RHBDD1: variants seen among roughly 807,000 people sequenced by gnomAD.
RHBDD1 encodes rhomboid domain containing 1.
In RHBDD1, 38 loss-of-function variants were observed where a neutral mutation model predicts 36.3. The ratio of observed to expected loss-of-function variants is 1.05; its 90% CI spans 0.81 to 1.37. The LOEUF (loss-of-function observed/expected upper bound fraction) is 1.37. Ranked by LOEUF, RHBDD1 falls within the 40% of genes most tolerant of loss-of-function variation. The pLI is 0.00. For synonymous variants in RHBDD1, 151 were observed against 136.5 expected (o/e 1.11, Z -0.74); for missense variants, 393 against 377.6 (o/e 1.04, Z -0.34).
At chr2:226,863,171 C>T (rs1174429577) in intron 3 of RHBDD1, among the ~76,000 whole-genome samples, 1 of 152,042 alleles carries the variant, frequency 6.6e-6, no homozygotes, top group Non-Finnish European at 1.5e-5. Context: ...AACACGGTGA[C>T]ACCTAGTCTC....
chr2:226,814,161 T>G, the RHBDD1 span, among the ~76,000 whole-genome samples: 1 of 152,144 alleles, frequency 6.6e-6, no homozygotes, highest in African/African-American at 2.4e-5. Flanking sequence ...TGGCATTCCA[T>G]GTGGACTCGA....
the RHBDD1 span, among the ~76,000 whole-genome samples, chr2:226,814,704 G>A: frequency 6.6e-6 from 1 of 152,174 alleles, no homozygotes; most frequent in African/African-American, 2.4e-5. Context: ...TGGGACAATA[G>A]CAAGAGAAAA....
chr2:226,979,594 A>AGG (rs1955265554), intron 8 of RHBDD1, among the ~76,000 whole-genome samples: 1 of 152,200 alleles, frequency 6.6e-6, no homozygotes. Context: ...CATCCCGCAC[A>AGG]GGAGGAGAGA....
At chr2:226,901,762 T>C (rs752005516) in intron 5 of RHBDD1, among the ~76,000 whole-genome samples, 1 of 152,184 alleles carries the variant, frequency 6.6e-6, no homozygotes, top group Non-Finnish European at 1.5e-5. Flanking sequence ...ATATCCAAAA[T>C]ATGTAAAGAA....
At chr2:226,822,147 T>C in the RHBDD1 span, among the ~76,000 whole-genome samples, 1 of 152,228 alleles carries the variant, frequency 6.6e-6, no homozygotes, top group Non-Finnish European at 1.5e-5. Context: ...AATAGCTTTA[T>C]AGCTTTATGT....
At chr2:226,911,799 C>T (rs1444244237) in intron 7 of RHBDD1, among the ~76,000 whole-genome samples, 1 of 151,928 alleles carries the variant, frequency 6.6e-6, no homozygotes, top group Non-Finnish European at 1.5e-5. Flanking sequence ...TTCTCCTGTT[C>T]TAAATATCAA....
At chr2:226,831,957 GTTT>G (rs58851411), upstream of RHBDD1, among the ~76,000 whole-genome samples, 33,602 of 139,072 alleles carry the variant, frequency 0.24, 6,942 homozygotes, top group African/African-American at 0.57. Flanking sequence ...AATTTTACTG[GTTT>G]TTTTTTTTTT....
At chr2:226,936,061 T>C (rs1950312555) in intron 8 of RHBDD1, among the ~76,000 whole-genome samples, 1 of 152,128 alleles carries the variant, frequency 6.6e-6, no homozygotes, top group South Asian at 2.1e-4. Context: ...TAATTTGGTA[T>C]GTTCTCCCCC....
At chr2:226,992,726 C>T (rs577903657) in intron 8 of RHBDD1, among the ~76,000 whole-genome samples, 2 of 152,290 alleles carry the variant, frequency 1.3e-5, no homozygotes, top group East Asian at 3.9e-4. Flanking sequence ...AGAAAAGGGA[C>T]ACTGGGTTTG....
At chr2:226,894,970 T>G (rs1036086310) in intron 5 of RHBDD1, among the ~76,000 whole-genome samples, 2 of 152,166 alleles carry the variant, frequency 1.3e-5, no homozygotes, top group Admixed American at 6.5e-5. Context: ...TACAAAGTCC[T>G]GAAGGGTGGA....
At chr2:226,872,246 A>G (rs1274778925) in intron 5 of RHBDD1, among the ~76,000 whole-genome samples, 1 of 152,196 alleles carries the variant, frequency 6.6e-6, no homozygotes, top group Admixed American at 6.5e-5. Flanking sequence ...TTAAATGAGA[A>G]AGGGAAAGAC....
chr2:226,924,830 C>G (rs1281020984), intron 8 of RHBDD1, among the ~76,000 whole-genome samples: 2 of 152,190 alleles, frequency 1.3e-5, no homozygotes, highest in Non-Finnish European at 2.9e-5. Context: ...TGCTCTCCCT[C>G]CCCCAAGTAC....
Position 226,996,493 on chromosome 2 carries a change from G to A in RHBDD1, c.*971G>A, listed in dbSNP as rs1959336269. 6.6e-6 allele frequency: 1 copy of A among 152,188 alleles called. No homozygotes were observed. 9.4% of individuals were successfully genotyped at this position (152,188 alleles called of 1,614,324 possible). ...GTCTGAGTCGTTTAAGGCATTTCCT[G>A]GTGCTTGTGTTCCATGAATAAAAGG... On this transcript the variant is annotated 3_prime_UTR_variant, in exon 9 of 9. Coordinates refer to ENST00000392062, the MANE Select transcript of RHBDD1 (RefSeq NM_001167608.3).
chr2:226,884,382 C>T (rs1157732821), intron 5 of RHBDD1, among the ~76,000 whole-genome samples: 2 of 152,090 alleles, frequency 1.3e-5, no homozygotes, highest in African/African-American at 2.4e-5. Context: ...GAACAGGCTG[C>T]AGCCTGCAAT....
chr2:226,952,389 C>T (rs544192501), intron 8 of RHBDD1, among the ~76,000 whole-genome samples: 1 of 151,496 alleles, frequency 6.6e-6, no homozygotes, highest in Non-Finnish European at 1.5e-5. Flanking sequence ...CTTCTGCCTC[C>T]CGGGTTCAAG....
At chr2:226,810,609 A>T in the RHBDD1 span, among the ~76,000 whole-genome samples, 2 of 151,248 alleles carry the variant, frequency 1.3e-5, no homozygotes, top group Non-Finnish European at 2.9e-5. Context: ...TATATTTACT[A>T]CTCATTAAGT....
intron 8 of RHBDD1, among the ~76,000 whole-genome samples, chr2:226,954,205 T>C (rs986398109): frequency 2.6e-5 from 4 of 152,206 alleles, no homozygotes; most frequent in South Asian, 2.1e-4. Flanking sequence ...CAGAGATACA[T>C]AGATGAGTTT....
chr2:226,971,204 C>T (rs1247790725), intron 8 of RHBDD1, among the ~76,000 whole-genome samples: 1 of 152,228 alleles, frequency 6.6e-6, no homozygotes, highest in Non-Finnish European at 1.5e-5. Flanking sequence ...CTCTCATTCA[C>T]TCCTGTTTCC....
At chr2:226,909,781 T>C (rs1661877048) in intron 7 of RHBDD1, among the ~76,000 whole-genome samples, 1 of 152,114 alleles carries the variant, frequency 6.6e-6, no homozygotes, top group South Asian at 2.1e-4. Context: ...AGCCTCCAGA[T>C]TGTGACAAAT....
Sources: gnomAD v4.1 joint callset for allele counts (sites outside exome capture counted in the v4.1 genomes callset) on GRCh38, gnomAD v4.1.1 for gene constraint, MANE v1.5 for transcripts, NCBI Gene and HGNC (gene_info 2026-07-23, HGNC 2026-07-21) for gene names.